OR5A1: variants seen among roughly 807,000 people sequenced by gnomAD.
The protein encoded by OR5A1 is olfactory receptor 5A1.
Under a neutral mutation model 6.7 loss-of-function variants are expected in OR5A1, and 6 were observed. That is an observed-to-expected ratio of 0.89 (90% CI 0.49 to 1.76). OR5A1 has a LOEUF of 1.76. OR5A1 is among the 40% of genes most tolerant of loss of function. The probability of loss-of-function intolerance (pLI) is 0.01; values close to 1 mark genes in which losing one functional copy is unlikely to be tolerated. For missense variants in OR5A1, 378 were observed against 381.7 expected (o/e 0.99, Z 0.08); for synonymous variants, 170 against 155.0 (o/e 1.10, Z -0.72).
rs1288635121 is a variant in OR5A1 at position 59,450,487 on chromosome 11, A to T, written c.*6371A>T. ...TAAGTCAGCTTCTTAGAACAATTTTAAAAACAAAAAACAGAAAAATACAAG... is the reference window on the plus strand; with the variant it reads ...TAAGTCAGCTTCTTAGAACAATTTTTAAAACAAAAAACAGAAAAATACAAG... On this transcript the variant is annotated 3_prime_UTR_variant, in exon 2 of 2. Transcript: ENST00000641045. 3 of 152,206 alleles carry T rather than the reference A, an allele frequency of 2.0e-5. No homozygotes were observed. Among genetic ancestry groups the T allele is most frequent in the Non-Finnish European group, 4.4e-5 (3 of 68,038 alleles). 9.4% of individuals were successfully genotyped at this position (152,206 alleles called of 1,614,324 possible).
rs190947329 is a variant in OR5A1 at position 59,443,163 on chromosome 11, G to A, written c.-6G>A. 1.2e-6 allele frequency: 2 copies of A among 1,610,046 alleles called. No individual in the cohort carries two copies. The highest frequency in any genetic ancestry group is 2.2e-5 in the East Asian group (1 of 44,834). On this transcript the variant is annotated 5_prime_UTR_variant, in exon 2 of 2. Transcript: ENST00000641045. ...CTGCATCTTGTCCTTGTGGTCCACG[G>A]GAAGCATGTCCATAACCAAAGCCTG...
In OR5A1 at chr11:59,444,047, C is replaced by A; in HGVS notation, c.879C>A (p.Tyr293Ter). 6.2e-7 allele frequency: 1 copy of A among 1,614,086 alleles called. No homozygotes were observed. Among genetic ancestry groups the A allele is most frequent in the Non-Finnish European group, 8.5e-7 (1 of 1,179,994 alleles). The change falls in exon 2 of 2, where the codon TAC (tyrosine) becomes TAA (stop). Residue 293 changes from tyrosine (Y) to a stop codon, truncating the protein, a stop_gained. Transcript: ENST00000641045. LOFTEE classifies it high-confidence loss of function. ...TCCCCATGCTGAACCCTCTCATTTA[C>A]AGTTTGAGGAACAAAGAGATCAAGG... Reference protein sequence around the residue: ...LVIPMLNPLIYSLRNKEIKDA... With the variant: ...LVIPMLNPLI
chr11:59,438,049 A>G (rs1026319), intron 1 of OR5A1, among the ~76,000 whole-genome samples: 123,024 of 152,058 alleles, frequency 0.81, 52,182 homozygotes, highest in Middle Eastern at 0.95. Context: ...TCTCTCTTGC[A>G]TCTGCTCTCA....
In OR5A1 at chr11:59,443,383, T is replaced by C. The variant is rs766860778; in HGVS notation, c.215T>C (p.Ile72Thr). ...TTCTTCCTAAGCAACTTATCTTTCA[T>C]TGACATCTGCTACTCTTCTGCTGTG... ...MYFFLSNLSF[I>T]DICYSSAVAP... The change falls in exon 2 of 2, where the codon ATT (isoleucine) becomes ACT (threonine). Residue 72 changes from isoleucine (I) to threonine (T), a missense_variant. By Grantham distance (89) the Ile-to-Thr change is moderately conservative. Transcript: ENST00000641045. The C allele has an allele frequency of 1.7e-5, 28 of 1,613,770 alleles. No individual in the cohort carries two copies. Among genetic ancestry groups the C allele is most frequent in the Admixed American group, 6.7e-5 (4 of 59,998 alleles).
chr11:59,437,818 G>A (rs185524965), intron 1 of OR5A1, among the ~76,000 whole-genome samples: 2 of 152,254 alleles, frequency 1.3e-5, no homozygotes, highest in East Asian at 3.9e-4. Context: ...ATTAATTGTT[G>A]TATACGATAA....
intron 1 of OR5A1, 68 bp from the exon 2 acceptor site, chr11:59,443,068 T>G (rs1858498447): frequency 1.2e-6 from 1 of 804,088 alleles, no homozygotes; most frequent in African/African-American, 1.7e-5. Context: ...TCCTCTGCCC[T>G]CCCTCTCAGG....
In OR5A1 at chr11:59,448,919, G is replaced by A. The variant is rs1858584103; in HGVS notation, c.*4803G>A. The A allele has an allele frequency of 6.6e-6, 1 of 151,994 alleles. No individual in the cohort carries two copies. The highest frequency in any genetic ancestry group is 2.1e-4 in the South Asian group (1 of 4,818). 9.4% of individuals were successfully genotyped at this position (151,994 alleles called of 1,614,324 possible). A position where few individuals can be genotyped will look rare whatever the true frequency, so the allele number is the denominator to read the frequency against. On this transcript the variant is annotated 3_prime_UTR_variant, in exon 2 of 2. Transcript: ENST00000641045. ...ATTTCTGTAATCGTTATCATACAAG[G>A]ACTTTGCATCAAATTTGATGTTGAT...
rs753035769 is a variant in OR5A1 at position 59,443,538 on chromosome 11, G to A, written c.370G>A (p.Asp124Asn). 1.2e-5 allele frequency: 20 copies of A among 1,613,656 alleles called. No individual in the cohort carries two copies. Among genetic ancestry groups the A allele is most frequent in the Admixed American group, 6.7e-5 (4 of 59,954 alleles). ...CCTCCTCCTGACTGCTATGGCATAC[G>A]ACCGATATGCAGCCATCTCCAGCCC... ...ECLLLTAMAY[D>N]RYAAISSPLL... is the part of the protein sequence containing the mutation. Residue 124 changes from aspartate (D) to asparagine (N), a missense_variant, in exon 2 of 2, where the codon GAC (aspartate) becomes AAC (asparagine). Physicochemically the swap from Asp to Asn is conservative, Grantham distance 23 (BLOSUM62 1). Transcript: ENST00000641045.
chr11:59,437,235 C>G (rs1858426537), intron 1 of OR5A1, among the ~76,000 whole-genome samples: 1 of 152,116 alleles, frequency 6.6e-6, no homozygotes, highest in Admixed American at 6.6e-5. Context: ...TTGTGTATTC[C>G]GTGGGTTTGG....
At chr11:59,442,107 G>C (rs1858488575) in intron 1 of OR5A1, among the ~76,000 whole-genome samples, 2 of 152,158 alleles carry the variant, frequency 1.3e-5, no homozygotes, top group Admixed American at 6.6e-5. Flanking sequence ...AAGTGAAGCT[G>C]AGAATTAAAT....
At chr11:59,440,405 G>C (rs1262446026) in intron 1 of OR5A1, among the ~76,000 whole-genome samples, 1 of 152,124 alleles carries the variant, frequency 6.6e-6, no homozygotes, top group Admixed American at 6.6e-5. Context: ...TACAAATGAG[G>C]AAATTGAAAT....
chr11:59,449,277 GT>G lies in OR5A1; in HGVS notation c.*5163del. The G allele has an allele frequency of 6.6e-6, 1 of 152,304 alleles. No individual in the cohort carries two copies. The highest frequency in any genetic ancestry group is 3.4e-3 in the Middle Eastern group (1 of 294). The allele number at this position is 152,304 out of a possible 1,614,324, so 9.4% of individuals were successfully genotyped here. ...AGGGCAGAGCAGTGATGATGGGGAA[GT>G]TGTCAGGCTCACTTTACCAATGCAA... On this transcript the variant is annotated 3_prime_UTR_variant, in exon 2 of 2. Transcript: ENST00000641045.
rs1858601898 is a variant in OR5A1 at position 59,450,279 on chromosome 11, G to T, written c.*6163G>T. 6.6e-6 allele frequency: 1 copy of T among 152,200 alleles called. No homozygotes were observed. The highest frequency in any genetic ancestry group is 2.1e-4 in the South Asian group (1 of 4,824). The allele number at this position is 152,200 out of a possible 1,614,324, so 9.4% of individuals were successfully genotyped here. A position where few individuals can be genotyped will look rare whatever the true frequency, so the allele number is the denominator to read the frequency against. On this transcript the variant is annotated 3_prime_UTR_variant, in exon 2 of 2. Transcript: ENST00000641045. ...CCTTCTAAGGTGATTGACCAGAAGA[G>T]TAGGTGGAATAATGTTAATCTGAAA...
intron 1 of OR5A1, among the ~76,000 whole-genome samples, chr11:59,439,636 C>T (rs970072445): frequency 2.0e-5 from 3 of 152,172 alleles, no homozygotes; most frequent in Non-Finnish European, 2.9e-5. Flanking sequence ...GGGAAAAAAA[C>T]TCTACATATG....
intron 1 of OR5A1, among the ~76,000 whole-genome samples, chr11:59,437,294 G>A (rs1024102478): frequency 6.6e-6 from 1 of 152,134 alleles, no homozygotes; most frequent in African/African-American, 2.4e-5. Flanking sequence ...ATCCATAGTA[G>A]CTTCACTGTC....
At position 59,442,226 on chromosome 11, in the gene OR5A1, C is replaced by T. The variant is rs569875839; in HGVS notation, c.-33-910C>T. 5.3e-5 allele frequency among the ~76,000 whole-genome samples: 8 copies of T among 152,276 alleles called. No homozygotes were observed. In the East Asian group the frequency reaches 1.2e-3, roughly 22 times the overall value. ...CTTTGGGAGGCTGAGGCGGGCGGAT[C>T]GCCCAAGGTCGTTCGAGACCAGCCT... On this transcript the variant is annotated intron_variant, in intron 1 of 1. Transcript: ENST00000641045.
rs931059925 is a variant in OR5A1 at position 59,444,939 on chromosome 11, C to T, written c.*823C>T. 4 of 152,062 alleles carry T rather than the reference C, an allele frequency of 2.6e-5. No homozygotes were observed. The highest frequency in any genetic ancestry group is 9.7e-5 in the African/African-American group (4 of 41,402). The allele number at this position is 152,062 out of a possible 1,614,324, so 9.4% of individuals were successfully genotyped here. On this transcript the variant is annotated 3_prime_UTR_variant, in exon 2 of 2. Transcript: ENST00000641045. Reference sequence around the variant, plus strand: ...TCAGTCCCCTAAACTGCCTATCAGTCAGTACCTCCTTGATTTTTCTTTAAT... The same window carrying T: ...TCAGTCCCCTAAACTGCCTATCAGTTAGTACCTCCTTGATTTTTCTTTAAT...
chr11:59,445,789 G>T lies in OR5A1; in HGVS notation c.*1673G>T, dbSNP rs1441712619. 6.6e-6 allele frequency: 1 copy of T among 151,950 alleles called. No individual in the cohort carries two copies. Among genetic ancestry groups the T allele is most frequent in the South Asian group, 2.1e-4 (1 of 4,792 alleles). The allele number at this position is 151,950 out of a possible 1,614,324, so 9.4% of individuals were successfully genotyped here. ...ATGTTGAGCTTTTTTTCATATGTTT[G>T]TTGGCCATACAAATGTCTTCTTTTG... On this transcript the variant is annotated 3_prime_UTR_variant, in exon 2 of 2. Transcript: ENST00000641045.
rs1275647608 is a variant in OR5A1 at position 59,448,356 on chromosome 11, C to T, written c.*4240C>T. ...TCTAAGAAGTCCTAAACTGAAGTTC[C>T]ATCCACGACTATGAGGGGCCACTAG... On this transcript the variant is annotated 3_prime_UTR_variant, in exon 2 of 2. Transcript: ENST00000641045. The T allele has an allele frequency of 6.6e-6, 1 of 152,106 alleles. No homozygotes were observed. The highest frequency in any genetic ancestry group is 1.5e-5 in the Non-Finnish European group (1 of 68,030). 9.4% of individuals were successfully genotyped at this position (152,106 alleles called of 1,614,324 possible).
Sources: gnomAD v4.1 joint callset for allele counts (sites outside exome capture counted in the v4.1 genomes callset) on GRCh38, gnomAD v4.1.1 for gene constraint, MANE v1.5 for transcripts, NCBI Gene and HGNC (gene_info 2026-07-23, HGNC 2026-07-21) for gene names.